TMEM178B: variants seen among roughly 807,000 people sequenced by gnomAD.
TMEM178B encodes transmembrane protein 178B.
In TMEM178B, 5 loss-of-function variants were observed where a neutral mutation model predicts 31.0. The observed-to-expected ratio is 0.16, with a 90% CI of 0.08 to 0.34. The LOEUF is 0.34. Among genes scored for constraint, TMEM178B ranks in the 10% least tolerant of loss-of-function variants. TMEM178B has a pLI of 1.00. For missense variants in TMEM178B, 275 were observed against 400.3 expected, an observed-to-expected ratio of 0.69 and a Z score of 2.67; for synonymous variants, 164 against 164.0, an observed-to-expected ratio of 1.00 and a Z score of 0.00.
chr7:141,487,096 A>G, the TMEM178B span, among the ~76,000 whole-genome samples: 1 of 152,182 alleles, frequency 6.6e-6, no homozygotes, highest in East Asian at 1.9e-4. Context: ...GTTCGCTGCA[A>G]CTTCATGCCA....
rs1193641964 is a variant in TMEM178B at position 141,227,162 on chromosome 7, C to A, written c.496+14458C>A. On this transcript the variant is annotated intron_variant, in intron 2 of 3. Transcript: ENST00000565468. The stretch of plus-strand genomic sequence containing the variant: ...GAGCAGTGACACAGACTCAGGACGG[C>A]AGAGGCCGGGGCTGGAAGTGTGGTA... Among the ~76,000 whole-genome samples, 5 of 152,226 alleles carry A rather than the reference C, an allele frequency of 3.3e-5. No homozygotes were observed. The South Asian group carries it at 1.0e-3, about 32-fold the overall frequency.
At position 141,225,886 on chromosome 7, in the gene TMEM178B, G is replaced by C. The variant is rs1273529031; in HGVS notation, c.496+13182G>C. ...GGACATCCAGTGTCCTTGGTGCTGG[G>C]ATCATCCAGTCTTAGGCCCCAGTCT... On this transcript the variant is annotated intron_variant, in intron 2 of 3. Transcript: ENST00000565468. Among the ~76,000 whole-genome samples, 3 of 152,176 alleles carry C rather than the reference G, an allele frequency of 2.0e-5. No individual in the cohort carries two copies. The East Asian group carries it at 5.8e-4, about 29-fold the overall frequency.
chr7:141,463,425 G>A (rs945321703), intron 3 of TMEM178B, among the ~76,000 whole-genome samples: 9 of 152,154 alleles, frequency 5.9e-5, no homozygotes, highest in Non-Finnish European at 1.3e-4. Context: ...GGACAAAGCC[G>A]GTGATTTTCA....
chr7:141,406,291 C>A (rs1023203793), intron 2 of TMEM178B, among the ~76,000 whole-genome samples: 7 of 152,184 alleles, frequency 4.6e-5, no homozygotes, highest in Non-Finnish European at 8.8e-5. Flanking sequence ...TCCCATGAAG[C>A]CACTGCCCTG....
chr7:141,248,973 G>T (rs1481347845), intron 2 of TMEM178B, among the ~76,000 whole-genome samples: 1 of 152,210 alleles, frequency 6.6e-6, no homozygotes, highest in African/African-American at 2.4e-5. Context: ...GCTCAGAGCT[G>T]GGTCTCTCCT....
the TMEM178B span, among the ~76,000 whole-genome samples, chr7:141,496,586 C>T: frequency 2.2e-5 from 3 of 134,128 alleles, no homozygotes; most frequent in Admixed American, 1.5e-4. Flanking sequence ...AGGAGAATGG[C>T]GTGAACCCGG....
intron 1 of TMEM178B, among the ~76,000 whole-genome samples, chr7:141,177,697 A>C (rs1037890941): frequency 6.6e-6 from 1 of 152,150 alleles, no homozygotes; most frequent in African/African-American, 2.4e-5. Context: ...ACCATTATGT[A>C]ATGCCCTTTG....
At chr7:141,098,180 C>T (rs1293804701) in intron 1 of TMEM178B, among the ~76,000 whole-genome samples, 1 of 152,080 alleles carries the variant, frequency 6.6e-6, no homozygotes, top group Non-Finnish European at 1.5e-5. Flanking sequence ...CAACTTTTTC[C>T]CAGTGAGAAG....
At chr7:141,083,874 T>C (rs1391397487) in intron 1 of TMEM178B, among the ~76,000 whole-genome samples, 2 of 97,338 alleles carry the variant, frequency 2.1e-5, no homozygotes, top group African/African-American at 4.4e-5. Context: ...TCTTCATTCA[T>C]TCAGCAGAAT....
chr7:141,231,607 T>G (rs185015479), intron 2 of TMEM178B, among the ~76,000 whole-genome samples: 8 of 152,206 alleles, frequency 5.3e-5, no homozygotes, highest in Admixed American at 5.2e-4. Context: ...CAAAGCCTGC[T>G]CCCTGGGGGC....
intron 1 of TMEM178B, among the ~76,000 whole-genome samples, chr7:141,191,255 T>A (rs1039612467): frequency 1.3e-5 from 2 of 152,236 alleles, no homozygotes; most frequent in African/African-American, 4.8e-5. Context: ...CCATAATTTA[T>A]TCATTCTCCT....
intron 2 of TMEM178B, among the ~76,000 whole-genome samples, chr7:141,292,044 G>A (rs1163457689): frequency 1.3e-5 from 2 of 151,788 alleles, no homozygotes; most frequent in East Asian, 3.9e-4. Flanking sequence ...TGCTTTGTCA[G>A]GTTACAAATA....
In TMEM178B at chr7:141,342,437, C is replaced by G. The variant is rs937799111; in HGVS notation, c.497-95171C>G. On this transcript the variant is annotated intron_variant, in intron 2 of 3. Coordinates refer to ENST00000565468, the MANE Select transcript of TMEM178B (RefSeq NM_001195278.2). ...TCAAAAAAATTCGTTTTCTCAGAAC[C>G]CCTTCTCAGACATTCTGAGTGAGGA... is the stretch of plus-strand genomic sequence containing the variant. Among the ~76,000 whole-genome samples, 6 of 152,162 alleles carry G rather than the reference C, an allele frequency of 3.9e-5. No individual in the cohort carries two copies. In the East Asian group the frequency reaches 1.2e-3, roughly 29 times the overall value.
intron 1 of TMEM178B, among the ~76,000 whole-genome samples, chr7:141,112,020 A>T (rs1057324396): frequency 6.6e-6 from 1 of 152,216 alleles, no homozygotes; most frequent in African/African-American, 2.4e-5. Flanking sequence ...CACAATTTAC[A>T]AAGTCAATAA....
intron 2 of TMEM178B, among the ~76,000 whole-genome samples, chr7:141,220,116 C>T (rs1000520074): frequency 1.4e-4 from 22 of 152,010 alleles, no homozygotes; most frequent in Admixed American, 8.5e-4. Context: ...GATCAGGGTT[C>T]GAGACCAGTC....
rs537279800 is a variant in TMEM178B, at chr7:141,167,788, C to T, written c.383-44803C>T. On this transcript the variant is annotated intron_variant, in intron 1 of 3. Coordinates refer to ENST00000565468, the MANE Select transcript of TMEM178B (RefSeq NM_001195278.2). ...GCAGCCCTGGACAGGGCCGGTGTGC[C>T]CTGGTGGCTCCTCCCAAGGCCAATT... Among the ~76,000 whole-genome samples the T allele has an allele frequency of 2.6e-4, 39 of 152,312 alleles. No individual in the cohort carries two copies. The South Asian group carries it at 7.0e-3, about 28-fold the overall frequency.
intron 2 of TMEM178B, among the ~76,000 whole-genome samples, chr7:141,274,140 C>T (rs1798229891): frequency 6.6e-6 from 1 of 152,194 alleles, no homozygotes; most frequent in Admixed American, 6.5e-5. Flanking sequence ...GAAAGTAGTT[C>T]CCATTCACTC....
chr7:141,456,597 A>G (rs180874849), intron 3 of TMEM178B, among the ~76,000 whole-genome samples: 10 of 152,328 alleles, frequency 6.6e-5, no homozygotes, highest in African/African-American at 1.4e-4. Flanking sequence ...TACCTAGAAG[A>G]TGAATGGCCA....
chr7:141,406,840 T>C (rs1345324245), intron 2 of TMEM178B, among the ~76,000 whole-genome samples: 1 of 152,246 alleles, frequency 6.6e-6, no homozygotes, highest in Non-Finnish European at 1.5e-5. Context: ...TGGCGTTTTG[T>C]TACAATGCAT....
Sources: allele counts gnomAD v4.1 joint callset (sites outside exome capture counted in the v4.1 genomes callset), GRCh38; gene constraint gnomAD v4.1.1; transcripts MANE v1.5; gene names NCBI Gene and HGNC (gene_info 2026-07-23, HGNC 2026-07-21).